MROH2B: variants seen among roughly 807,000 people sequenced by gnomAD.
The protein encoded by MROH2B is maestro heat-like repeat-containing protein family member 2B.
A neutral mutation model predicts 208.6 loss-of-function variants in MROH2B; 177 were observed. The observed-to-expected ratio is 0.85, with a 90% CI of 0.75 to 0.96. The LOEUF is 0.96. MROH2B is among the 40% of genes least tolerant of loss of function. MROH2B has a pLI of 0.00. For missense variants in MROH2B, 2,002 were observed against 1,878.7 expected (o/e 1.07, Z -1.21); for synonymous variants, 728 against 659.0 (o/e 1.10, Z -1.60).
At chr5:41,041,401 T>C (rs1229942545) in intron 19 of MROH2B, among the ~76,000 whole-genome samples, 1 of 152,040 alleles carries the variant, frequency 6.6e-6, no homozygotes, top group African/African-American at 2.4e-5. Flanking sequence ...CTGAGGTGGG[T>C]GGATCACCTG....
chr5:41,058,165 G>A lies in MROH2B; in HGVS notation c.654C>T (p.Ser218=), dbSNP rs560216450. The change falls in exon 7 of 42, where the codon AGC becomes AGT. Residue 218 remains serine (S), a synonymous_variant. Coordinates refer to ENST00000399564, the MANE Select transcript of MROH2B (RefSeq NM_173489.5). The part of the protein sequence containing the change: ...SIVKAHGPTV[S]LLLHREDFRG... ...GGAAGTCTTCCCGATGCAGCAGCAA[G>A]CTCACCGTGGGCCCGTGGGCCTTAA... 23 of 1,605,434 alleles carry A rather than the reference G, an allele frequency of 1.4e-5. No homozygotes were observed. The highest frequency in any genetic ancestry group is 1.8e-5 in the Non-Finnish European group (21 of 1,175,676).
At chr5:41,031,912 G>C (rs1022093012) in intron 24 of MROH2B, among the ~76,000 whole-genome samples, 1 of 151,942 alleles carries the variant, frequency 6.6e-6, no homozygotes, top group Non-Finnish European at 1.5e-5. Context: ...GATTTTATTC[G>C]TTTGTATGTC....
intron 6 of MROH2B, among the ~76,000 whole-genome samples, chr5:41,060,553 A>T (rs762962743): frequency 6.6e-6 from 1 of 152,064 alleles, no homozygotes; most frequent in Non-Finnish European, 1.5e-5. Context: ...CTGCCTCAGT[A>T]GGTTTTAGTC....
intron 24 of MROH2B, among the ~76,000 whole-genome samples, chr5:41,024,389 T>C (rs2111900010): frequency 6.6e-6 from 1 of 152,152 alleles, no homozygotes; most frequent in African/African-American, 2.4e-5. Flanking sequence ...GCAATCCTAG[T>C]CTCTGATAAA....
chr5:41,057,320 A>T lies in MROH2B; in HGVS notation c.797T>A (p.Ile266Asn). 1 of 1,590,324 alleles carries T rather than the reference A, an allele frequency of 6.3e-7. No individual in the cohort carries two copies. The highest frequency in any genetic ancestry group is 8.6e-7 in the Non-Finnish European group (1 of 1,167,404). The change falls in exon 8 of 42, where the codon ATT becomes AAT. Residue 266 changes from isoleucine (I) to asparagine (N), a missense_variant. Coordinates refer to ENST00000399564, the MANE Select transcript of MROH2B (RefSeq NM_173489.5). ...TCTTCTCAAGCTCCTTGGAAGGCCA[A>T]TGTCATAAAGAACTGCTGCAGTCAG... ...QILTAAVLYD[I>N]GLPRSLRRSI...
At chr5:41,021,564 T>A (rs1008547077) in intron 24 of MROH2B, among the ~76,000 whole-genome samples, 3 of 152,098 alleles carry the variant, frequency 2.0e-5, no homozygotes, top group Admixed American at 6.6e-5. Flanking sequence ...GTAATCAAAA[T>A]AGTATGTAAC....
chr5:41,052,418 AC>A, intron 12 of MROH2B, 46 bp downstream of exon 12: 1 of 1,512,728 alleles, frequency 6.6e-7, no homozygotes, highest in Non-Finnish European at 8.9e-7. Context: ...AGTTGAGCGA[AC>A]TGTACTTTTT....
intron 34 of MROH2B, among the ~76,000 whole-genome samples, chr5:41,006,581 A>G (rs1741600559): frequency 6.6e-6 from 1 of 152,242 alleles, no homozygotes; most frequent in Admixed American, 6.5e-5. Context: ...ATATAAAACC[A>G]GCCCAAATGC....
intron 8 of MROH2B, 26 bp from the exon 9 acceptor site, chr5:41,057,204 T>C (rs1743483501): frequency 1.2e-6 from 2 of 1,613,102 alleles, no homozygotes; most frequent in Middle Eastern, 1.6e-4. Flanking sequence ...AATCAGGTGG[T>C]AGATGTTAAA....
chr5:41,022,988 T>C (rs148268282), intron 24 of MROH2B, among the ~76,000 whole-genome samples: 6,164 of 152,312 alleles, frequency 0.04, 126 homozygotes, highest in African/African-American at 0.058. Flanking sequence ...GGGTCCTGAC[T>C]GTTAGAAGGA....
chr5:41,018,127 G>A (rs1283840830), intron 27 of MROH2B, among the ~76,000 whole-genome samples, 157 bp from the exon 28 acceptor site: 1 of 152,158 alleles, frequency 6.6e-6, no homozygotes, highest in Non-Finnish European at 1.5e-5. Flanking sequence ...TATTTTTAAG[G>A]GCAGTGGAGA....
chr5:41,045,839 G>T lies in MROH2B; in HGVS notation c.1743C>A (p.Ser581=), dbSNP rs373367360. Residue 581 remains serine, a synonymous_variant, in exon 18 of 42, where the codon TCC becomes TCA. Coordinates refer to ENST00000399564, the MANE Select transcript of MROH2B (RefSeq NM_173489.5). ...ETMLLQLLKE[S]LWKISDVAWT... is the part of the protein sequence containing the mutation. ...AGGCCACATCACTGATCTTCCATAAGGATTCTTTGAGCAACTGTTGTAGGA... is the reference window on the plus strand; with the variant it reads ...AGGCCACATCACTGATCTTCCATAATGATTCTTTGAGCAACTGTTGTAGGA... 4 of 1,611,210 alleles carry T rather than the reference G, an allele frequency of 2.5e-6. No individual in the cohort carries two copies. The African/African-American group carries it at 5.3e-5, about 22-fold the overall frequency.
chr5:41,004,237 G>A, intron 37 of MROH2B, 109 bp downstream of exon 37: 1 of 1,308,552 alleles, frequency 7.6e-7, no homozygotes, highest in Non-Finnish European at 1.0e-6. Flanking sequence ...GTCTGGGGCA[G>A]GCCAAGGAAT....
chr5:41,002,493 A>G (rs922513993), intron 37 of MROH2B, among the ~76,000 whole-genome samples: 6 of 152,206 alleles, frequency 3.9e-5, no homozygotes, highest in African/African-American at 1.4e-4. Flanking sequence ...TAAATATTGA[A>G]AGAAACAAAG....
At chr5:41,001,811 C>T (rs764727648) in intron 37 of MROH2B, among the ~76,000 whole-genome samples, 3 of 151,566 alleles carry the variant, frequency 2.0e-5, no homozygotes, top group Admixed American at 6.6e-5. Flanking sequence ...TTCAGAGTTC[C>T]GACAGGGAAG....
chr5:41,018,296 C>T (rs1403618181), intron 27 of MROH2B, 45 bp downstream of exon 27: 2 of 1,548,990 alleles, frequency 1.3e-6, no homozygotes, highest in Non-Finnish European at 1.8e-6. Flanking sequence ...GAGATCCCTG[C>T]TGTTCACAAG....
chr5:41,018,913 G>A lies in MROH2B; in HGVS notation c.2547C>T (p.Gly849=), dbSNP rs1268829035. The A allele has an allele frequency of 2.5e-6, 4 of 1,613,736 alleles. No individual in the cohort carries two copies. The highest frequency in any genetic ancestry group is 3.4e-6 in the Non-Finnish European group (4 of 1,179,870). The part of the protein sequence containing the change: ...LPPLENLKSE[G]QTDKDKEHIQ... ...TGTGCTCCTTGTCCTTGTCTGTCTG[G>A]CCTTCACTTTTCAGATTTTCCAGAG... Residue 849 remains glycine, a synonymous_variant, in exon 25 of 42, where the codon GGC becomes GGT. Coordinates refer to ENST00000399564, the MANE Select transcript of MROH2B (RefSeq NM_173489.5).
intron 24 of MROH2B, among the ~76,000 whole-genome samples, chr5:41,023,950 G>A (rs1003813778): frequency 6.6e-6 from 1 of 152,134 alleles, no homozygotes; most frequent in African/African-American, 2.4e-5. Context: ...ATAAATAAAG[G>A]AGAAATAAAA....
rs1454859871 is a variant in MROH2B, at chr5:41,030,605, A to G, written c.2441+2137T>C. Among the ~76,000 whole-genome samples the G allele has an allele frequency of 2.0e-5, 3 of 152,204 alleles. No homozygotes were observed. In the East Asian group the frequency reaches 5.8e-4, roughly 29 times the overall value. On this transcript the variant is annotated intron_variant, in intron 24 of 41. Transcript: ENST00000399564. Reference sequence around the variant, plus strand: ...TTAAAATACCATCATCATTTTTCATAGGATATAGGAAAAACAATACTAAAA... The same window carrying G: ...TTAAAATACCATCATCATTTTTCATGGGATATAGGAAAAACAATACTAAAA...
Sources: gnomAD v4.1 joint callset for allele counts (sites outside exome capture counted in the v4.1 genomes callset) on GRCh38, gnomAD v4.1.1 for gene constraint, MANE v1.5 for transcripts, NCBI Gene and HGNC (gene_info 2026-07-23, HGNC 2026-07-21) for gene names.